Variants in CACNG5 observed in about 807,000 individuals in gnomAD.
The protein encoded by CACNG5 is voltage-dependent calcium channel gamma-5 subunit.
A neutral mutation model predicts 24.8 loss-of-function variants in CACNG5; 18 were observed. That is an observed-to-expected ratio of 0.73 (90% CI 0.50 to 1.08). CACNG5 has a LOEUF of 1.08. Ranked by LOEUF, CACNG5 falls within the 50% of genes least tolerant of loss-of-function variation. The pLI, the probability that CACNG5 is intolerant of heterozygous loss-of-function variation, is 0.00. For missense variants in CACNG5, 349 were observed against 367.9 expected, an observed-to-expected ratio of 0.95 and a Z score of 0.42; for synonymous variants, 157 against 149.1, an observed-to-expected ratio of 1.05 and a Z score of -0.39.
chr17:66,845,111 C>T (rs529903455), intron 1 of CACNG5, among the ~76,000 whole-genome samples: 3 of 152,246 alleles, frequency 2.0e-5, no homozygotes, highest in South Asian at 2.1e-4. Flanking sequence ...TATTATGCAG[C>T]CATAAAAAGA....
chr17:66,884,272 C>T (rs902565868), intron 4 of CACNG5, among the ~76,000 whole-genome samples: 1 of 152,212 alleles, frequency 6.6e-6, no homozygotes, highest in Admixed American at 6.5e-5. Context: ...CCGGGCTTAG[C>T]CCATGGCTTA....
rs71160595 is a variant in CACNG5, at chr17:66,838,960, C to CTTTTTTTTTTTTTTT, written c.-104+3715_-104+3729dup. Among the ~76,000 whole-genome samples, 250 of 88,084 alleles carry CTTTTTTTTTTTTTTT rather than the reference C, an allele frequency of 2.8e-3. 20 individuals carry two copies. Among genetic ancestry groups the CTTTTTTTTTTTTTTT allele is most frequent in the African/African-American group, 4.3e-3 (88 of 20,484 alleles). The allele number at this position is 88,084 out of a possible 152,430, so 57.8% of individuals were successfully genotyped here. On this transcript the variant is annotated intron_variant, in intron 1 of 5. Coordinates refer to ENST00000533854, the MANE Select transcript of CACNG5 (RefSeq NM_145811.3). ...GTAGCACCCCAGTCCCTCACCCATT[C>CTTTTTTTTTTTTTTT]TTTTTTTTTTTTTTTTTTTGAGACA... is the stretch of plus-strand genomic sequence containing the variant.
chr17:66,866,640 C>G lies in CACNG5; in HGVS notation c.-103-10590C>G, dbSNP rs142063594. Among the ~76,000 whole-genome samples, 272 of 152,170 alleles carry G rather than the reference C, an allele frequency of 1.8e-3. 4 individuals are homozygous for G. The highest frequency in any genetic ancestry group is 2.5e-3 in the Non-Finnish European group (170 of 68,002). ...GCCCACTGCCTCCTGCACTGACAGGCCCTGGTGTGTGTTTTTCCCCTCCCT... is the reference window on the plus strand; with the variant it reads ...GCCCACTGCCTCCTGCACTGACAGGGCCTGGTGTGTGTTTTTCCCCTCCCT... On this transcript the variant is annotated intron_variant, in intron 1 of 5. Coordinates refer to ENST00000533854, the MANE Select transcript of CACNG5 (RefSeq NM_145811.3).
rs893980476 is a variant in CACNG5 at position 66,886,244 on chromosome 17, G to T, written c.*1004G>T. Among the ~76,000 whole-genome samples, 1 of 152,188 alleles carries T rather than the reference G, an allele frequency of 6.6e-6. No homozygotes were observed. The highest frequency in any genetic ancestry group is 1.5e-5 in the Non-Finnish European group (1 of 68,030). On this transcript the variant is annotated 3_prime_UTR_variant, in exon 6 of 6. Coordinates refer to ENST00000533854, the MANE Select transcript of CACNG5 (RefSeq NM_145811.3). The stretch of plus-strand genomic sequence containing the variant: ...CCTGGGAGTGGGAGCTGGATTTGAG[G>T]ACACCTGGTGCAGCTTGAGTGCAAA...
rs747298451 is a variant in CACNG5 at position 66,879,052 on chromosome 17, G to A, written c.277G>A (p.Val93Ile). Reference sequence around the variant, plus strand: ...GCTGACATCCGAGTCCACGGTCAATGTTCTAAGTAAGTGCCTTGAGTCTGG... The same window carrying A: ...GCTGACATCCGAGTCCACGGTCAATATTCTAAGTAAGTGCCTTGAGTCTGG... ...TQLTSESTVN[V>I]LKMIRSATPF... Residue 93 changes from valine (V) to isoleucine (I), a missense_variant, in exon 3 of 6, where the codon GTT becomes ATT. By Grantham distance (29) the Val-to-Ile change is conservative (BLOSUM62 3). Coordinates refer to ENST00000533854, the MANE Select transcript of CACNG5 (RefSeq NM_145811.3). 52 of 1,613,820 alleles carry A rather than the reference G, an allele frequency of 3.2e-5. No individual in the cohort carries two copies. Among genetic ancestry groups the A allele is most frequent in the Non-Finnish European group, 4.4e-5 (52 of 1,179,784 alleles).
At chr17:66,841,587 G>A (rs1178796361) in intron 1 of CACNG5, among the ~76,000 whole-genome samples, 3 of 152,132 alleles carry the variant, frequency 2.0e-5, no homozygotes, top group South Asian at 2.1e-4. Flanking sequence ...AAGGAGAGCC[G>A]GGCAGGACAG....
Position 66,885,233 on chromosome 17 carries a change from C to A in CACNG5, c.821C>A (p.Pro274His). The change falls in exon 6 of 6, where the codon CCC becomes CAC. Residue 274 changes from proline to histidine, a missense_variant. Pro to His is a moderately conservative substitution (Grantham distance 77). Transcript: ENST00000533854. ...GACTATGATCAGATGTCCTCTTCAC[C>A]CTGCTGAGCCTCGGCCGCCCCCATC... ...CPDYDQMSSS[P>H]C The A allele has an allele frequency of 1.3e-6, 2 of 1,580,958 alleles. No homozygotes were observed. Among genetic ancestry groups the A allele is most frequent in the Non-Finnish European group, 1.7e-6 (2 of 1,168,684 alleles).
At chr17:66,863,309 T>C (rs2143079052) in intron 1 of CACNG5, among the ~76,000 whole-genome samples, 1 of 151,980 alleles carries the variant, frequency 6.6e-6, no homozygotes, top group South Asian at 2.1e-4. Flanking sequence ...AAGATAATAT[T>C]ATTATTCCTT....
At chr17:66,845,082 G>A (rs1976618333) in intron 1 of CACNG5, among the ~76,000 whole-genome samples, 1 of 152,126 alleles carries the variant, frequency 6.6e-6, no homozygotes. Context: ...AGAAAATGTG[G>A]CACATATACA....
chr17:66,887,854 G>A lies in CACNG5; in HGVS notation c.*2614G>A. On this transcript the variant is annotated 3_prime_UTR_variant, in exon 6 of 6. Coordinates refer to ENST00000533854, the MANE Select transcript of CACNG5 (RefSeq NM_145811.3). ...GGTCATTACCTGTTTGGGGGTGGGT[G>A]CATGTGTCAATAATCACATCACCAT... is the stretch of plus-strand genomic sequence containing the variant. Among the ~76,000 whole-genome samples the A allele has an allele frequency of 6.6e-6, 1 of 152,154 alleles. No homozygotes were observed.
At chr17:66,838,183 A>G (rs1332497449) in intron 1 of CACNG5, among the ~76,000 whole-genome samples, 1 of 151,770 alleles carries the variant, frequency 6.6e-6, no homozygotes, top group Non-Finnish European at 1.5e-5. Flanking sequence ...AAAATGACAG[A>G]GTATACCCTG....
intron 1 of CACNG5, among the ~76,000 whole-genome samples, chr17:66,872,139 CCAT>C (rs768592641): frequency 2.6e-5 from 4 of 152,316 alleles, no homozygotes; most frequent in Non-Finnish European, 5.9e-5. Flanking sequence ...CTGGAAGCAG[CCAT>C]CATCAACATT....
chr17:66,859,595 G>A (rs548627227), intron 1 of CACNG5, among the ~76,000 whole-genome samples: 3 of 152,262 alleles, frequency 2.0e-5, no homozygotes, highest in East Asian at 1.9e-4. Context: ...GCACGGCGCC[G>A]AGGCTGGCTC....
chr17:66,885,479 G>T lies in CACNG5; in HGVS notation c.*239G>T. On this transcript the variant is annotated 3_prime_UTR_variant, in exon 6 of 6. Coordinates refer to ENST00000533854, the MANE Select transcript of CACNG5 (RefSeq NM_145811.3). ...TGTCTGGGAACATGGGAGAAGCCCC[G>T]CCCATGTGAGTGCCAATCACAGCAG... The T allele has an allele frequency of 1.9e-6, 1 of 519,998 alleles. No individual in the cohort carries two copies. The highest frequency in any genetic ancestry group is 3.3e-6 in the Non-Finnish European group (1 of 298,960). The allele number at this position is 519,998 out of a possible 1,614,324, so 32.2% of individuals were successfully genotyped here.
At position 66,848,770 on chromosome 17, in the gene CACNG5, C is replaced by T. The variant is rs142481583; in HGVS notation, c.-104+13520C>T. On this transcript the variant is annotated intron_variant, in intron 1 of 5. Transcript: ENST00000533854. ...TCAGACCCTGCTGAGCAGACCCCAG[C>T]GCTGGATGCAAGGAGAAGCCAGGAC... 3.9e-3 allele frequency among the ~76,000 whole-genome samples: 587 copies of T among 152,226 alleles called. 2 individuals carry two copies. Among genetic ancestry groups the T allele is most frequent in the Non-Finnish European group, 6.7e-3 (456 of 68,014 alleles).
At chr17:66,861,877 T>C (rs772085369) in intron 1 of CACNG5, among the ~76,000 whole-genome samples, 1 of 152,194 alleles carries the variant, frequency 6.6e-6, no homozygotes, top group Non-Finnish European at 1.5e-5. Context: ...GCCACTATGT[T>C]TAAGTGGAAT....
At chr17:66,841,448 A>G (rs1350145597) in intron 1 of CACNG5, among the ~76,000 whole-genome samples, 1 of 152,196 alleles carries the variant, frequency 6.6e-6, no homozygotes, top group Admixed American at 6.5e-5. Flanking sequence ...ATCCAGGAGA[A>G]CATCCTCAAA....
chr17:66,863,613 C>T (rs1002965921), intron 1 of CACNG5, among the ~76,000 whole-genome samples: 2 of 152,086 alleles, frequency 1.3e-5, no homozygotes, highest in African/African-American at 2.4e-5. Flanking sequence ...GTGATCTGCC[C>T]ACCTCATCCT....
chr17:66,835,806 T>C (rs1306012635), intron 1 of CACNG5, among the ~76,000 whole-genome samples: 3 of 151,936 alleles, frequency 2.0e-5, no homozygotes, highest in African/African-American at 7.2e-5. Context: ...TGAGCAGAGA[T>C]GGACTCGCGG....
Sources: allele counts gnomAD v4.1 joint callset (sites outside exome capture counted in the v4.1 genomes callset), GRCh38; gene constraint gnomAD v4.1.1; transcripts MANE v1.5; gene names NCBI Gene and HGNC (gene_info 2026-07-23, HGNC 2026-07-21).